The following IL1RAPL1 variants were observed in gnomAD, a reference collection of about 807,000 sequenced individuals.
IL1RAPL1 encodes the protein interleukin 1 receptor accessory protein like 1, also known as interleukin-1 receptor accessory protein-like 1.
In IL1RAPL1, 3 loss-of-function variants were observed where a neutral mutation model predicts 48.4. That is an observed-to-expected ratio of 0.06 (90% CI 0.03 to 0.16). IL1RAPL1 has a LOEUF of 0.16. IL1RAPL1 is among the 10% of genes least tolerant of loss of function. The probability of loss-of-function intolerance (pLI) is 1.00; values close to 1 mark genes in which losing one functional copy is unlikely to be tolerated. For synonymous variants in IL1RAPL1, 185 were observed against 187.7 expected (o/e 0.99, Z 0.12); for missense variants, 349 against 530.6 (o/e 0.66, Z 3.36).
chrX:29,470,797 A>AT (rs758389217), intron 5 of IL1RAPL1, among the ~76,000 whole-genome samples: 1 of 109,619 alleles, frequency 9.1e-6, no homozygotes, highest in East Asian at 2.9e-4. Flanking sequence ...TGTCTGGTTA[A>AT]TTTTTTTATT....
intron 2 of IL1RAPL1, among the ~76,000 whole-genome samples, chrX:28,976,380 G>T (rs1385335683): frequency 9.0e-6 from 1 of 111,419 alleles, no homozygotes; most frequent in Non-Finnish European, 1.9e-5. Context: ...ATAAAGATAA[G>T]AGAATTTCCT....
At chrX:29,224,842 T>C (rs1476972254) in intron 2 of IL1RAPL1, among the ~76,000 whole-genome samples, 1 of 112,203 alleles carries the variant, frequency 8.9e-6, no homozygotes, top group East Asian at 2.8e-4. Context: ...AACATAAAAA[T>C]GACTGAATAT....
chrX:28,782,318 AT>A (rs2147262168), intron 1 of IL1RAPL1, among the ~76,000 whole-genome samples: 1 of 112,063 alleles, frequency 8.9e-6, no homozygotes, highest in African/African-American at 3.2e-5. Flanking sequence ...AGAAGTGCAT[AT>A]TCCCATTTTG....
intron 2 of IL1RAPL1, among the ~76,000 whole-genome samples, chrX:29,189,563 T>C (rs1414605323): frequency 3.6e-5 from 4 of 111,538 alleles, no homozygotes; most frequent in Non-Finnish European, 7.5e-5. Flanking sequence ...CTGTTTTCAG[T>C]AATTTCATTA....
At chrX:29,336,129 T>C (rs1294584796) in intron 3 of IL1RAPL1, among the ~76,000 whole-genome samples, 1 of 104,593 alleles carries the variant, frequency 9.6e-6, no homozygotes, top group Non-Finnish European at 1.9e-5. Context: ...TATATACATA[T>C]ATATCTATAC....
intron 2 of IL1RAPL1, among the ~76,000 whole-genome samples, chrX:29,064,043 C>G (rs1229631732): frequency 9.0e-6 from 1 of 111,564 alleles, no homozygotes; most frequent in Non-Finnish European, 1.9e-5. Context: ...GGCATAGACC[C>G]AACCAGCAGC....
chrX:28,725,909 A>G (rs1035275023), intron 1 of IL1RAPL1, among the ~76,000 whole-genome samples: 1 of 112,526 alleles, frequency 8.9e-6, no homozygotes, highest in Non-Finnish European at 1.9e-5. Context: ...TTGTATTTAG[A>G]AAAGCATCAT....
At chrX:28,848,992 C>G (rs777268151) in intron 2 of IL1RAPL1, among the ~76,000 whole-genome samples, 1 of 111,435 alleles carries the variant, frequency 9.0e-6, no homozygotes, top group Non-Finnish European at 1.9e-5. Context: ...ACCTCTGATT[C>G]TTTCAGCCCT....
At chrX:29,337,634 G>A (rs1288429195) in intron 3 of IL1RAPL1, among the ~76,000 whole-genome samples, 2 of 111,297 alleles carry the variant, frequency 1.8e-5, no homozygotes, top group African/African-American at 6.5e-5. Flanking sequence ...TATTAAATAA[G>A]ATACTATACA....
At chrX:29,806,654 T>G (rs1930262716) in intron 6 of IL1RAPL1, among the ~76,000 whole-genome samples, 1 of 111,245 alleles carries the variant, frequency 9.0e-6, no homozygotes, top group Non-Finnish European at 1.9e-5. Flanking sequence ...ATTGACTTTA[T>G]CATATAAAAA....
At chrX:29,936,144 G>A (rs1569207616) in intron 8 of IL1RAPL1, among the ~76,000 whole-genome samples, 2 of 108,736 alleles carry the variant, frequency 1.8e-5, no homozygotes, top group Admixed American at 9.9e-5. Context: ...CTGATGTATT[G>A]TAGAACTGAG....
At chrX:29,479,359 G>A (rs1463693602) in intron 5 of IL1RAPL1, among the ~76,000 whole-genome samples, 1 of 96,987 alleles carries the variant, frequency 1.0e-5, no homozygotes, top group Non-Finnish European at 2.0e-5. Context: ...AGGTAGCAGT[G>A]AGTCATGGTT....
At chrX:28,710,912 C>A (rs185219975) in intron 1 of IL1RAPL1, among the ~76,000 whole-genome samples, 4 of 112,007 alleles carry the variant, frequency 3.6e-5, no homozygotes, top group African/African-American at 1.3e-4. Context: ...TCATATTGAA[C>A]GACAGGTATA....
chrX:28,769,145 TTG>T (rs1936283839), intron 1 of IL1RAPL1, among the ~76,000 whole-genome samples: 1 of 107,878 alleles, frequency 9.3e-6, no homozygotes, highest in African/African-American at 3.4e-5. Flanking sequence ...GTGTGTGTGT[TTG>T]TGTGTATGTG....
chrX:29,626,184 G>A (rs971937625), intron 5 of IL1RAPL1, among the ~76,000 whole-genome samples: 1 of 111,997 alleles, frequency 8.9e-6, no homozygotes. Context: ...TCATTGAAGT[G>A]CAGAGATTAC....
intron 3 of IL1RAPL1, among the ~76,000 whole-genome samples, chrX:29,316,307 T>C (rs1665241557): frequency 8.9e-6 from 1 of 112,107 alleles, no homozygotes; most frequent in Admixed American, 9.5e-5. Flanking sequence ...GATGAACATT[T>C]TAGGCAAAAG....
At chrX:29,613,711 T>C (rs1260100183) in intron 5 of IL1RAPL1, among the ~76,000 whole-genome samples, 1 of 78,490 alleles carries the variant, frequency 1.3e-5, no homozygotes, top group Non-Finnish European at 2.4e-5. Context: ...TGGGTTTTTT[T>C]CGTGTGTGTG....
chrX:29,417,153 C>T (rs982757245), intron 5 of IL1RAPL1, among the ~76,000 whole-genome samples: 2 of 111,672 alleles, frequency 1.8e-5, no homozygotes, highest in East Asian at 2.8e-4. Flanking sequence ...GCCTTTATCA[C>T]AATATTGAAG....
intron 2 of IL1RAPL1, among the ~76,000 whole-genome samples, chrX:29,154,271 G>A (rs888588808): frequency 3.6e-5 from 4 of 111,648 alleles, no homozygotes; most frequent in Non-Finnish European, 5.6e-5. Context: ...CAGGTGCGGT[G>A]GTTCACTCCT....
Sources: gnomAD v4.1 joint callset for allele counts (sites outside exome capture counted in the v4.1 genomes callset) on GRCh38, gnomAD v4.1.1 for gene constraint, MANE v1.5 for transcripts, NCBI Gene and HGNC (gene_info 2026-07-23, HGNC 2026-07-21) for gene names.